The following CSMD1 variants were observed in gnomAD, a reference collection of about 807,000 sequenced individuals.
CSMD1 encodes CUB and sushi domain-containing protein 1.
Under a neutral mutation model 417.5 loss-of-function variants are expected in CSMD1, and 213 were observed. The ratio of observed to expected loss-of-function variants is 0.51; its 90% confidence interval spans 0.46 to 0.57. CSMD1 has a LOEUF of 0.57. Ranked by LOEUF, CSMD1 falls within the 20% of genes least tolerant of loss-of-function variation. CSMD1 has a pLI of 0.00. For missense variants in CSMD1, 6,923 were observed against 4,529.7 expected, an observed-to-expected ratio of 1.53 and a Z score of -15.17; for synonymous variants, 2,862 against 1,736.8, an observed-to-expected ratio of 1.65 and a Z score of -16.11.
chr8:3,337,737 C>T (rs143657907), intron 23 of CSMD1, among the ~76,000 whole-genome samples: 4 of 152,240 alleles, frequency 2.6e-5, no homozygotes, highest in African/African-American at 7.2e-5. Flanking sequence ...CACACATTCA[C>T]CTGGAATCGG....
intron 37 of CSMD1, 93 bp from the exon 38 acceptor site, chr8:3,162,370 C>T: frequency 1.2e-6 from 1 of 811,228 alleles, no homozygotes; most frequent in South Asian, 1.5e-5. Context: ...TGCTCTCCTT[C>T]TGTAGAAATG....
At chr8:4,402,138 C>T (rs568500664) in intron 3 of CSMD1, among the ~76,000 whole-genome samples, 1 of 152,248 alleles carries the variant, frequency 6.6e-6, no homozygotes, top group Non-Finnish European at 1.5e-5. Context: ...ATTAATTAGT[C>T]ATATGGTCAG....
In CSMD1 at chr8:3,948,891, A is replaced by AT. The variant is rs71534374; in HGVS notation, c.818+49011dup. Among the ~76,000 whole-genome samples, 1,121 of 150,444 alleles carry AT rather than the reference A, an allele frequency of 7.5e-3. 10 individuals carry two copies. The highest frequency in any genetic ancestry group is 0.018 in the African/African-American group (736 of 41,074). The stretch of plus-strand genomic sequence containing the variant: ...TATTCAGAAACTAACAAAAAAGGAG[A>AT]TTTTTTTTTTCAGAACACTGACTGG... On this transcript the variant is annotated intron_variant, in intron 5 of 69. Coordinates refer to ENST00000635120, the MANE Select transcript of CSMD1 (RefSeq NM_033225.6).
At chr8:3,980,581 T>C (rs939100256) in intron 5 of CSMD1, among the ~76,000 whole-genome samples, 1 of 152,174 alleles carries the variant, frequency 6.6e-6, no homozygotes, top group Non-Finnish European at 1.5e-5. Flanking sequence ...GAAAATAGTT[T>C]CCCCCCTTGT....
intron 3 of CSMD1, among the ~76,000 whole-genome samples, chr8:4,323,431 C>T (rs1209021133): frequency 1.3e-5 from 2 of 152,132 alleles, no homozygotes; most frequent in East Asian, 3.9e-4. Flanking sequence ...ACAGGTCACC[C>T]CATTTGATTC....
chr8:4,217,979 A>C (rs17334135), intron 3 of CSMD1, among the ~76,000 whole-genome samples: 12,147 of 152,246 alleles, frequency 0.08, 690 homozygotes, highest in Middle Eastern at 0.18. Flanking sequence ...GTTGGTGGGA[A>C]ACAGTGAAGA....
intron 25 of CSMD1, among the ~76,000 whole-genome samples, chr8:3,294,282 G>C (rs945112203): frequency 6.6e-6 from 1 of 152,182 alleles, no homozygotes; most frequent in Non-Finnish European, 1.5e-5. Flanking sequence ...GGACCCCCTT[G>C]AGGAGGCAGT....
chr8:4,908,540 T>C lies in CSMD1; in HGVS notation c.85+85792A>G, dbSNP rs138860456. Among the ~76,000 whole-genome samples the C allele has an allele frequency of 6.5e-3, 995 of 152,154 alleles. 9 individuals carry two copies. The highest frequency in any genetic ancestry group is 0.023 in the African/African-American group (952 of 41,528). ...TCTTGGATGTTCTCTTCTGTTTTTT[T>C]TCTTTGTTTTGTGTTTCTTTTTTCT... On this transcript the variant is annotated intron_variant, in intron 1 of 69. Transcript: ENST00000635120.
intron 26 of CSMD1, among the ~76,000 whole-genome samples, chr8:3,231,938 G>C (rs1798863668): frequency 6.6e-6 from 1 of 152,134 alleles, no homozygotes; most frequent in Admixed American, 6.5e-5. Context: ...TATTCTCTAA[G>C]CTAATTGAGG....
chr8:3,093,663 T>G (rs1428892592), intron 47 of CSMD1, among the ~76,000 whole-genome samples: 2 of 151,682 alleles, frequency 1.3e-5, no homozygotes, highest in East Asian at 1.9e-4. Flanking sequence ...AGCAAAATTC[T>G]GTCTCAAAAA....
At chr8:3,506,155 G>T (rs1402201049) in intron 10 of CSMD1, among the ~76,000 whole-genome samples, 6 of 152,130 alleles carry the variant, frequency 3.9e-5, no homozygotes, top group South Asian at 2.1e-4. Flanking sequence ...AAGTGCCAGG[G>T]AGGCAGCTGA....
At chr8:3,329,565 C>A (rs1460584837) in intron 23 of CSMD1, among the ~76,000 whole-genome samples, 2 of 152,200 alleles carry the variant, frequency 1.3e-5, no homozygotes, top group African/African-American at 4.8e-5. Context: ...TATGCAATCA[C>A]AGACAGCCGT....
chr8:3,419,168 T>C (rs888749184), intron 12 of CSMD1, among the ~76,000 whole-genome samples: 1 of 152,208 alleles, frequency 6.6e-6, no homozygotes, highest in Non-Finnish European at 1.5e-5. Context: ...CAGCAGGAAC[T>C]GAACTTTTTG....
At chr8:3,516,087 G>C (rs1184561448) in intron 10 of CSMD1, among the ~76,000 whole-genome samples, 3 of 146,714 alleles carry the variant, frequency 2.0e-5, no homozygotes, top group Middle Eastern at 3.2e-3. Context: ...AGCTCAGACA[G>C]CCTGGTTACT....
chr8:4,109,947 G>C (rs1207347406), intron 3 of CSMD1, among the ~76,000 whole-genome samples: 4 of 152,092 alleles, frequency 2.6e-5, no homozygotes, highest in South Asian at 2.1e-4. Context: ...TGACAATTTG[G>C]TGAATAATAC....
chr8:4,419,771 G>A (rs532683576), intron 3 of CSMD1, among the ~76,000 whole-genome samples, 182 bp downstream of exon 3: 1 of 152,174 alleles, frequency 6.6e-6, no homozygotes, highest in Admixed American at 6.6e-5. Flanking sequence ...CACGTTTTGG[G>A]CTGGAAAGTT....
intron 1 of CSMD1, among the ~76,000 whole-genome samples, chr8:4,823,211 C>A (rs769661048): frequency 3.9e-5 from 6 of 151,960 alleles, no homozygotes; most frequent in Non-Finnish European, 8.8e-5. Flanking sequence ...TAGGTTTAAT[C>A]CAAATGTCTA....
chr8:3,605,708 G>C (rs930470631), intron 8 of CSMD1, among the ~76,000 whole-genome samples: 2 of 152,178 alleles, frequency 1.3e-5, no homozygotes, highest in Non-Finnish European at 2.9e-5. Context: ...ACAAAGAACA[G>C]ATGTTATTAG....
intron 2 of CSMD1, among the ~76,000 whole-genome samples, chr8:4,458,921 G>C (rs1416653709): frequency 6.6e-6 from 1 of 152,168 alleles, no homozygotes; most frequent in Non-Finnish European, 1.5e-5. Context: ...AAATATTTAA[G>C]TTTCTGGAAG....
Sources: gnomAD v4.1 joint callset for allele counts (sites outside exome capture counted in the v4.1 genomes callset) on GRCh38, gnomAD v4.1.1 for gene constraint, MANE v1.5 for transcripts, NCBI Gene and HGNC (gene_info 2026-07-23, HGNC 2026-07-21) for gene names.